The following CELF2 variants were observed in gnomAD, a reference collection of about 807,000 sequenced individuals.
The protein encoded by CELF2 is CUGBP Elav-like family member 2, also known as CUG triplet repeat RNA-binding protein 2.
A neutral mutation model predicts 62.6 loss-of-function variants in CELF2; 8 were observed. That is an observed-to-expected ratio of 0.13 (90% CI 0.07 to 0.23). The LOEUF is 0.23. CELF2 is among the 10% of genes least tolerant of loss of function. The pLI is 1.00. For missense variants in CELF2, 333 were observed against 671.0 expected (o/e 0.50, Z 5.56); for synonymous variants, 258 against 250.0 (o/e 1.03, Z -0.30).
chr10:10,882,962 T>C (rs1229271187), intron 1 of CELF2, among the ~76,000 whole-genome samples: 1 of 152,190 alleles, frequency 6.6e-6, no homozygotes, highest in Non-Finnish European at 1.5e-5. Flanking sequence ...GCTCTGGGCA[T>C]GATAAGATGG....
chr10:10,500,414 G>A, the CELF2 span, among the ~76,000 whole-genome samples: 3 of 152,286 alleles, frequency 2.0e-5, no homozygotes, highest in East Asian at 5.8e-4. Context: ...GAGGGACCTG[G>A]TGGGAGGTAA....
intron 1 of CELF2, among the ~76,000 whole-genome samples, chr10:11,043,493 A>G (rs1438913478): frequency 2.0e-5 from 3 of 152,210 alleles, no homozygotes; most frequent in African/African-American, 7.2e-5. Flanking sequence ...GAACACCAGC[A>G]TTGAATATCC....
intron 4 of CELF2, among the ~76,000 whole-genome samples, chr10:11,253,640 C>T (rs2077788371): frequency 6.6e-6 from 1 of 152,144 alleles, no homozygotes; most frequent in South Asian, 2.1e-4. Flanking sequence ...GGTGTTAGCG[C>T]AGACTTACAA....
At chr10:11,077,668 A>G (rs2773494) in intron 1 of CELF2, among the ~76,000 whole-genome samples, 7,638 of 152,272 alleles carry the variant, frequency 0.05, 301 homozygotes, top group African/African-American at 0.11. Flanking sequence ...GTTAGCGTTT[A>G]TCGTCGTGTG....
At chr10:11,085,876 G>GAATCCAGACCTTCACAAT (rs1210302743) in intron 1 of CELF2, among the ~76,000 whole-genome samples, 1 of 151,346 alleles carries the variant, frequency 6.6e-6, no homozygotes, top group African/African-American at 2.4e-5. Flanking sequence ...TGCCCTGGAT[G>GAATCCAGACCTTCACAAT]AATCCAGACC....
intron 4 of CELF2, among the ~76,000 whole-genome samples, chr10:11,253,862 C>G (rs1281015476): frequency 2.0e-5 from 3 of 152,046 alleles, no homozygotes; most frequent in Non-Finnish European, 4.4e-5. Flanking sequence ...ATTTCCCTGC[C>G]CTTATTCAGT....
At chr10:10,772,842 A>G in the CELF2 span, among the ~76,000 whole-genome samples, 379 of 141,318 alleles carry the variant, frequency 2.7e-3, 2 homozygotes, top group African/African-American at 9.5e-3. Flanking sequence ...TAAAAAGAAA[A>G]CTCACTATTT....
At chr10:10,709,570 G>A in the CELF2 span, among the ~76,000 whole-genome samples, 1 of 152,294 alleles carries the variant, frequency 6.6e-6, no homozygotes, top group Non-Finnish European at 1.5e-5. Context: ...GTCCTGATGA[G>A]GGGAATATGT....
At chr10:10,958,243 C>G (rs1564264217) in intron 2 of CELF2, among the ~76,000 whole-genome samples, 1 of 152,326 alleles carries the variant, frequency 6.6e-6, no homozygotes, top group South Asian at 2.1e-4. Context: ...CCAGAAATAT[C>G]ACTTTTCCTG....
the CELF2 span, among the ~76,000 whole-genome samples, chr10:10,736,386 TTCTTTCTTTC>T: frequency 5.8e-3 from 503 of 86,370 alleles, 1 homozygote; most frequent in Non-Finnish European, 7.0e-3. Context: ...CTTTCTTTCT[TTCTTTCTTTC>T]TTTTTTTTTT....
At chr10:11,326,388 AGGCTGCTTGCGTG>A (rs2095730321) in intron 12 of CELF2, among the ~76,000 whole-genome samples, 1 of 152,254 alleles carries the variant, frequency 6.6e-6, no homozygotes, top group Non-Finnish European at 1.5e-5. Flanking sequence ...CCATGTGTTC[AGGCTGCTTGCGTG>A]ATCGCAGCTC....
chr10:11,119,253 A>G (rs12775046), intron 1 of CELF2, among the ~76,000 whole-genome samples: 182 of 152,342 alleles, frequency 1.2e-3, no homozygotes, highest in Non-Finnish European at 1.7e-3. Flanking sequence ...AGCTTGATAA[A>G]ATAGAGCAAT....
At chr10:10,961,351 C>A (rs374911058) in intron 2 of CELF2, among the ~76,000 whole-genome samples, 15 of 152,142 alleles carry the variant, frequency 9.9e-5, no homozygotes, top group African/African-American at 3.6e-4. Flanking sequence ...TGAAATGTTA[C>A]CATATTAAAG....
chr10:10,712,691 C>T, the CELF2 span, among the ~76,000 whole-genome samples: 2 of 152,310 alleles, frequency 1.3e-5, no homozygotes, highest in East Asian at 1.9e-4. Flanking sequence ...AAAGTACAGA[C>T]GTTTGATTCT....
the CELF2 span, among the ~76,000 whole-genome samples, chr10:10,521,990 G>A: frequency 1.3e-5 from 2 of 152,194 alleles, no homozygotes; most frequent in African/African-American, 4.8e-5. Flanking sequence ...CAGCTAATGA[G>A]CAAGGATGGC....
At chr10:11,114,160 T>C (rs2055965358) in intron 1 of CELF2, among the ~76,000 whole-genome samples, 1 of 152,200 alleles carries the variant, frequency 6.6e-6, no homozygotes, top group Non-Finnish European at 1.5e-5. Context: ...GTTTCCTAGT[T>C]CTTGTTGGTC....
chr10:10,820,015 T>C (rs529597721), intron 1 of CELF2, among the ~76,000 whole-genome samples: 2 of 152,298 alleles, frequency 1.3e-5, no homozygotes, highest in East Asian at 1.9e-4. Flanking sequence ...AAATGAATCA[T>C]GGGGACCTGT....
At chr10:11,034,500 A>G (rs932889095) in intron 1 of CELF2, among the ~76,000 whole-genome samples, 1 of 151,156 alleles carries the variant, frequency 6.6e-6, no homozygotes, top group South Asian at 2.1e-4. Context: ...TGTTAAAAAT[A>G]TTTCATGTGT....
chr10:10,728,133 A>C, the CELF2 span, among the ~76,000 whole-genome samples: 1 of 151,304 alleles, frequency 6.6e-6, no homozygotes, highest in Non-Finnish European at 1.5e-5. Context: ...TTTTCTGATA[A>C]GTATGGAGTA....
Sources: gnomAD v4.1 joint callset for allele counts (sites outside exome capture counted in the v4.1 genomes callset) on GRCh38, gnomAD v4.1.1 for gene constraint, MANE v1.5 for transcripts, NCBI Gene and HGNC (gene_info 2026-07-23, HGNC 2026-07-21) for gene names.